The following CCDC60 variants were observed in gnomAD, a reference collection of about 807,000 sequenced individuals.
CCDC60 encodes coiled-coil domain-containing protein 60.
CCDC60 carries 54 observed loss-of-function variants against 63.5 expected under a neutral mutation model. The ratio of observed to expected loss-of-function variants is 0.85; its 90% CI spans 0.68 to 1.07. The LOEUF is 1.07. Among genes scored for constraint, CCDC60 ranks in the 50% least tolerant of loss-of-function variants. The pLI is 0.00. For synonymous variants in CCDC60, 206 were observed against 238.8 expected (o/e 0.86, Z 1.27); for missense variants, 651 against 684.3 (o/e 0.95, Z 0.54).
chr12:119,401,994 A>G (rs566170166), intron 1 of CCDC60, among the ~76,000 whole-genome samples: 67 of 152,296 alleles, frequency 4.4e-4, no homozygotes, highest in African/African-American at 1.6e-3. Flanking sequence ...GAGCCCCCAT[A>G]AACCTGGCTC....
At chr12:119,452,090 A>T (rs962173650) in intron 2 of CCDC60, among the ~76,000 whole-genome samples, 1 of 152,204 alleles carries the variant, frequency 6.6e-6, no homozygotes, top group East Asian at 1.9e-4. Flanking sequence ...ATTTCTAGAG[A>T]TTCGTTTAGC....
At chr12:119,519,434 T>TGTGTGTGC (rs1262823056) in intron 8 of CCDC60, among the ~76,000 whole-genome samples, 20 of 121,938 alleles carry the variant, frequency 1.6e-4, no homozygotes, top group Admixed American at 1.4e-3. Flanking sequence ...TGTGTGTGTG[T>TGTGTGTGC]GCGCGTGTGT....
At chr12:119,509,020 G>A (rs146273368) in intron 7 of CCDC60, among the ~76,000 whole-genome samples, 102 of 152,144 alleles carry the variant, frequency 6.7e-4, no homozygotes, top group African/African-American at 2.2e-3. Flanking sequence ...AGGGGTAAAT[G>A]GAGCATCTCT....
At chr12:119,378,729 A>ATTGTTT (rs1337291559) in intron 1 of CCDC60, among the ~76,000 whole-genome samples, 2 of 152,134 alleles carry the variant, frequency 1.3e-5, no homozygotes, top group African/African-American at 2.4e-5. Flanking sequence ...GATTGGTGAA[A>ATTGTTT]TTGTTTTTGT....
intron 4 of CCDC60, among the ~76,000 whole-genome samples, chr12:119,481,273 G>A (rs1407036956): frequency 2.6e-5 from 4 of 152,116 alleles, no homozygotes; most frequent in African/African-American, 9.7e-5. Flanking sequence ...GCAAAAATAG[G>A]CCTTGCAATT....
chr12:119,417,988 T>C (rs1339358593), intron 1 of CCDC60, among the ~76,000 whole-genome samples: 1 of 152,156 alleles, frequency 6.6e-6, no homozygotes. Flanking sequence ...TTCAGTCACT[T>C]CATATTTTTT....
chr12:119,417,502 A>G (rs988020858), intron 1 of CCDC60, among the ~76,000 whole-genome samples: 3 of 152,048 alleles, frequency 2.0e-5, no homozygotes, highest in Admixed American at 1.3e-4. Context: ...CAGGCATACA[A>G]TCCTCCTTCC....
At position 119,527,666 on chromosome 12, in the gene CCDC60, C is replaced by CTTTTTTTTTT. The variant is rs869099213; in HGVS notation, c.1230-933_1230-924dup. On this transcript the variant is annotated intron_variant, in intron 11 of 13. Coordinates refer to ENST00000327554, the MANE Select transcript of CCDC60 (RefSeq NM_178499.5). ...TTGTTTTTTCTTTCTTTCTTTCTTT[C>CTTTTTTTTTT]TTTTTTTTTTTTTTTTTTTTTTTTT... Among the ~76,000 whole-genome samples, 516 of 85,004 alleles carry CTTTTTTTTTT rather than the reference C, an allele frequency of 6.1e-3. 10 individuals carry two copies. The highest frequency in any genetic ancestry group is 0.022 in the Middle Eastern group (2 of 90). 55.8% of individuals were successfully genotyped at this position (85,004 alleles called of 152,430 possible). A position where few individuals can be genotyped will look rare whatever the true frequency, so the allele number is the denominator to read the frequency against.
chr12:119,355,560 C>A (rs1565968215), intron 1 of CCDC60, among the ~76,000 whole-genome samples: 1 of 152,216 alleles, frequency 6.6e-6, no homozygotes, highest in Admixed American at 6.5e-5. Flanking sequence ...AAAATTGGGG[C>A]TTAGCCCGGG....
At chr12:119,444,452 G>A (rs1452789958) in intron 2 of CCDC60, among the ~76,000 whole-genome samples, 2 of 152,210 alleles carry the variant, frequency 1.3e-5, no homozygotes, top group Non-Finnish European at 2.9e-5. Context: ...AACATGAACT[G>A]AGCTACAAAT....
chr12:119,505,157 G>C lies in CCDC60; in HGVS notation c.737G>C (p.Gly246Ala). 1 of 1,614,062 alleles carries C rather than the reference G, an allele frequency of 6.2e-7. No homozygotes were observed. Among genetic ancestry groups the C allele is most frequent in the South Asian group, 1.1e-5 (1 of 91,062 alleles). The change falls in exon 7 of 14, where the codon GGG (glycine) becomes GCG (alanine). Residue 246 changes from glycine to alanine, a missense_variant. Transcript: ENST00000327554. ...ACACTCAGTCTGAGTCGGGCCAGTG[G>C]GGGGTCCTCTCCCCAGAGCAGCATG... ...GSTLSLSRASGGSSPQSSMIS... is the reference protein window; with the variant it reads ...GSTLSLSRASAGSSPQSSMIS...
intron 7 of CCDC60, among the ~76,000 whole-genome samples, chr12:119,514,016 T>C (rs1952284370): frequency 6.6e-6 from 1 of 152,170 alleles, no homozygotes; most frequent in Non-Finnish European, 1.5e-5. Context: ...GAAGGCATTG[T>C]TATCATGGGA....
chr12:119,492,377 G>A (rs1186334635), intron 5 of CCDC60, among the ~76,000 whole-genome samples: 1 of 152,204 alleles, frequency 6.6e-6, no homozygotes, highest in South Asian at 2.1e-4. Flanking sequence ...TACAGAATCC[G>A]TTCTTATGAG....
intron 2 of CCDC60, among the ~76,000 whole-genome samples, chr12:119,434,265 G>A (rs1388128539): frequency 1.5e-5 from 2 of 132,266 alleles, no homozygotes; most frequent in African/African-American, 5.6e-5. Flanking sequence ...TTGGGGCAGA[G>A]AAAGAAGCTA....
chr12:119,365,813 G>A (rs774260685), intron 1 of CCDC60, among the ~76,000 whole-genome samples: 4 of 152,170 alleles, frequency 2.6e-5, no homozygotes, highest in Admixed American at 6.5e-5. Flanking sequence ...GAATACCAGC[G>A]GAAGCTCTCT....
At chr12:119,528,127 G>A (rs1467407091) in intron 11 of CCDC60, among the ~76,000 whole-genome samples, 1 of 152,038 alleles carries the variant, frequency 6.6e-6, no homozygotes, top group Non-Finnish European at 1.5e-5. Flanking sequence ...AAAGCTGTAG[G>A]CAGTGGGGTG....
At chr12:119,519,687 T>C (rs868072524) in intron 8 of CCDC60, among the ~76,000 whole-genome samples, 1 of 152,162 alleles carries the variant, frequency 6.6e-6, no homozygotes, top group South Asian at 2.1e-4. Flanking sequence ...GGTCTGGAAC[T>C]CCTGACCTCA....
chr12:119,383,221 C>T (rs1180144572), intron 1 of CCDC60, among the ~76,000 whole-genome samples: 2 of 152,126 alleles, frequency 1.3e-5, no homozygotes, highest in Non-Finnish European at 2.9e-5. Flanking sequence ...CCAACCTGGG[C>T]AACAGTGAGA....
chr12:119,429,093 A>C (rs1956951991), intron 2 of CCDC60, among the ~76,000 whole-genome samples: 1 of 152,210 alleles, frequency 6.6e-6, no homozygotes, highest in Non-Finnish European at 1.5e-5. Flanking sequence ...GATACCGTGG[A>C]GTCAGAGTCG....
Sources: allele counts gnomAD v4.1 joint callset (sites outside exome capture counted in the v4.1 genomes callset), GRCh38; gene constraint gnomAD v4.1.1; transcripts MANE v1.5; gene names NCBI Gene and HGNC (gene_info 2026-07-23, HGNC 2026-07-21).